VAV3: variants seen among roughly 807,000 people sequenced by gnomAD.
VAV3 encodes the protein guanine nucleotide exchange factor VAV3.
Under a neutral mutation model 131.2 loss-of-function variants are expected in VAV3, and 94 were observed. That is an observed-to-expected ratio of 0.72 (90% confidence interval 0.61 to 0.85). VAV3 has a LOEUF of 0.85. Ranked by LOEUF, VAV3 falls within the 40% of genes least tolerant of loss-of-function variation. VAV3 has a pLI of 0.00. For missense variants in VAV3, 939 were observed against 1,002.7 expected, an observed-to-expected ratio of 0.94 and a Z score of 0.86; for synonymous variants, 349 against 342.0, an observed-to-expected ratio of 1.02 and a Z score of -0.22.
At chr1:107,734,595 G>T (rs908441889) in intron 15 of VAV3, among the ~76,000 whole-genome samples, 10 of 152,110 alleles carry the variant, frequency 6.6e-5, no homozygotes, top group Admixed American at 5.2e-4. Context: ...AACCAACAAA[G>T]ATCAAAGGAG....
At chr1:107,740,164 A>C (rs1662925156) in intron 15 of VAV3, among the ~76,000 whole-genome samples, 2 of 152,080 alleles carry the variant, frequency 1.3e-5, no homozygotes, top group African/African-American at 4.8e-5. Context: ...TTGCGTGCCT[A>C]TAATCACAGC....
In VAV3 at chr1:107,925,401, C is replaced by T. The variant is rs138049298; in HGVS notation, c.204+39265G>A. Among the ~76,000 whole-genome samples the T allele has an allele frequency of 7.4e-4, 113 of 152,170 alleles. 1 individual carries two copies. Among genetic ancestry groups the T allele is most frequent in the African/African-American group, 2.6e-3 (108 of 41,518 alleles). ...CCCGTATTCAGAGCAGCATTACTCA[C>T]GATGGCCAAAAGATTAAAGAAACTC... is the stretch of plus-strand genomic sequence containing the variant. On this transcript the variant is annotated intron_variant, in intron 1 of 26. Transcript: ENST00000370056.
intron 2 of VAV3, among the ~76,000 whole-genome samples, chr1:107,856,412 C>A (rs1291198015): frequency 1.3e-5 from 2 of 152,070 alleles, no homozygotes; most frequent in East Asian, 3.9e-4. Flanking sequence ...GAGCCAAAGT[C>A]AAACCAGAAT....
At chr1:107,955,692 T>C (rs747093341) in intron 1 of VAV3, among the ~76,000 whole-genome samples, 2 of 151,316 alleles carry the variant, frequency 1.3e-5, no homozygotes, top group Non-Finnish European at 2.9e-5. Flanking sequence ...AAAAGGTATA[T>C]GCAACAGCAC....
intron 2 of VAV3, among the ~76,000 whole-genome samples, chr1:107,811,225 G>GC (rs1667301884): frequency 6.6e-6 from 1 of 152,130 alleles, no homozygotes; most frequent in African/African-American, 2.4e-5. Flanking sequence ...AGTTGAACAG[G>GC]TATCTTTTAG....
intron 17 of VAV3, among the ~76,000 whole-genome samples, chr1:107,698,490 T>C (rs918205138): frequency 6.6e-6 from 1 of 152,226 alleles, no homozygotes; most frequent in Non-Finnish European, 1.5e-5. Context: ...ATAGGTTAGG[T>C]GCATTGAATG....
At chr1:107,963,203 T>G (rs951260350) in intron 1 of VAV3, among the ~76,000 whole-genome samples, 1 of 152,148 alleles carries the variant, frequency 6.6e-6, no homozygotes, top group African/African-American at 2.4e-5. Flanking sequence ...CTGTACTCCC[T>G]ACTGGTGGGC....
At chr1:107,864,971 C>A (rs1397199161) in intron 2 of VAV3, among the ~76,000 whole-genome samples, 6 of 152,162 alleles carry the variant, frequency 3.9e-5, no homozygotes, top group South Asian at 2.1e-4. Flanking sequence ...GGAGTTACCT[C>A]TGGCTGAGCC....
chr1:107,648,709 T>C (rs1557732247), intron 19 of VAV3, among the ~76,000 whole-genome samples: 1 of 152,046 alleles, frequency 6.6e-6, no homozygotes, highest in African/African-American at 2.4e-5. Context: ...TAAAACTAAA[T>C]ACTAAAATAA....
At chr1:107,886,578 AC>A (rs1671047246) in intron 1 of VAV3, among the ~76,000 whole-genome samples, 1 of 152,214 alleles carries the variant, frequency 6.6e-6, no homozygotes, top group Non-Finnish European at 1.5e-5. Context: ...ATTTGGTTTT[AC>A]CCCCAAAGCT....
At chr1:107,674,098 A>G (rs1379120981) in intron 19 of VAV3, among the ~76,000 whole-genome samples, 3 of 152,228 alleles carry the variant, frequency 2.0e-5, no homozygotes, top group African/African-American at 7.2e-5. Context: ...AGTTTTTCAG[A>G]ACTGCATGAT....
At chr1:107,653,808 G>A (rs770558774) in intron 19 of VAV3, among the ~76,000 whole-genome samples, 3 of 151,752 alleles carry the variant, frequency 2.0e-5, no homozygotes, top group Non-Finnish European at 2.9e-5. Flanking sequence ...CTTTCCCTGG[G>A]GCCAAGTGTC....
At chr1:107,689,897 G>A (rs769124254) in intron 17 of VAV3, among the ~76,000 whole-genome samples, 23 of 152,170 alleles carry the variant, frequency 1.5e-4, no homozygotes, top group Non-Finnish European at 2.8e-4. Context: ...ACAGCTGTGA[G>A]ACTTGCTTCA....
intron 15 of VAV3, among the ~76,000 whole-genome samples, chr1:107,712,938 A>G (rs1031520563): frequency 1.3e-5 from 2 of 152,234 alleles, no homozygotes; most frequent in Admixed American, 1.3e-4. Flanking sequence ...GTGGAAAGCA[A>G]GAGGAAGAAT....
intron 1 of VAV3, among the ~76,000 whole-genome samples, chr1:107,879,296 G>A (rs566941308): frequency 1.3e-5 from 2 of 152,238 alleles, no homozygotes; most frequent in East Asian, 1.9e-4. Flanking sequence ...CCAATTACAT[G>A]AGAAGAACAA....
intron 2 of VAV3, among the ~76,000 whole-genome samples, chr1:107,792,827 AGAG>A (rs1488982895): frequency 1.3e-5 from 2 of 152,192 alleles, no homozygotes; most frequent in African/African-American, 4.8e-5. Context: ...GGTTGCTCCT[AGAG>A]GCTACCAGCT....
At position 107,574,444 on chromosome 1, in the gene VAV3, T is replaced by C. The variant is rs1428728850; in HGVS notation, c.2351-246A>G. ...TTTCCATTCTTCATAAGAACCTCAA[T>C]CAAAGTAAGGACTAGTTTTTATAAA... On this transcript the variant is annotated intron_variant, in intron 25 of 26. Coordinates refer to ENST00000370056, the MANE Select transcript of VAV3 (RefSeq NM_006113.5). Among the ~76,000 whole-genome samples, 3 of 151,816 alleles carry C rather than the reference T, an allele frequency of 2.0e-5. No homozygotes were observed. In the East Asian group the frequency reaches 5.8e-4, roughly 29 times the overall value.
intron 1 of VAV3, among the ~76,000 whole-genome samples, chr1:107,899,793 TG>T: frequency 6.6e-6 from 1 of 152,260 alleles, no homozygotes; most frequent in Non-Finnish European, 1.5e-5. Flanking sequence ...TAATAATAAC[TG>T]GTGAATTAGG....
chr1:107,840,137 A>G (rs1668633542), intron 2 of VAV3, among the ~76,000 whole-genome samples: 1 of 152,220 alleles, frequency 6.6e-6, no homozygotes, highest in South Asian at 2.1e-4. Flanking sequence ...AATACTTCCT[A>G]AAGTTCTCTA....
Sources: gnomAD v4.1 joint callset for allele counts (sites outside exome capture counted in the v4.1 genomes callset) on GRCh38, gnomAD v4.1.1 for gene constraint, MANE v1.5 for transcripts, NCBI Gene and HGNC (gene_info 2026-07-23, HGNC 2026-07-21) for gene names.